NKAIN3: variants seen among roughly 807,000 people sequenced by gnomAD.
The protein encoded by NKAIN3 is sodium/potassium transporting ATPase interacting 3, also known as sodium/potassium-transporting ATPase subunit beta-1-interacting protein 3.
A neutral mutation model predicts 30.2 loss-of-function variants in NKAIN3; 25 were observed. That is an observed-to-expected ratio of 0.83 (90% CI 0.60 to 1.16). NKAIN3 has a LOEUF of 1.16. Ranked by LOEUF, NKAIN3 falls within the 50% of genes most tolerant of loss-of-function variation. The pLI, the probability that NKAIN3 is intolerant of heterozygous loss-of-function variation, is 0.00. For missense variants in NKAIN3, 225 were observed against 254.1 expected, an observed-to-expected ratio of 0.89 and a Z score of 0.78; for synonymous variants, 91 against 89.6, an observed-to-expected ratio of 1.02 and a Z score of -0.09.
intron 4 of NKAIN3, among the ~76,000 whole-genome samples, chr8:62,890,902 G>T (rs1170218483): frequency 6.6e-6 from 1 of 152,188 alleles, no homozygotes; most frequent in African/African-American, 2.4e-5. Flanking sequence ...ATTGTTAAAT[G>T]GCTTTGTCCC....
intron 4 of NKAIN3, chr8:62,864,265 G>T: frequency 2.8e-6 from 3 of 1,062,416 alleles, no homozygotes; most frequent in African/African-American, 1.6e-5. Flanking sequence ...GAGGCAGACG[G>T]CAAAGGACAA....
intron 3 of NKAIN3, among the ~76,000 whole-genome samples, chr8:62,717,371 T>C (rs1337702922): frequency 6.6e-6 from 1 of 152,260 alleles, no homozygotes. Flanking sequence ...TATGTCTGCC[T>C]ATGCTTTATG....
In NKAIN3 at chr8:62,661,630, C is replaced by T. The variant is rs73685424; in HGVS notation, c.273+71836C>T. Among the ~76,000 whole-genome samples the T allele has an allele frequency of 6.8e-3, 1,036 of 152,170 alleles. 6 individuals carry two copies. The highest frequency in any genetic ancestry group is 0.023 in the African/African-American group (971 of 41,520). ...CTCCCTCTCTCTTCCTCCTTCCCCA[C>T]TTGGTTGCTGGCTATAAGGAAAGCT... On this transcript the variant is annotated intron_variant, in intron 3 of 6. Transcript: ENST00000623646.
At chr8:62,719,787 T>C (rs1403542164) in intron 3 of NKAIN3, among the ~76,000 whole-genome samples, 11 of 143,940 alleles carry the variant, frequency 7.6e-5, no homozygotes, top group Admixed American at 6.5e-4. Context: ...GACGGAGTCT[T>C]GCTCTGACAT....
intron 4 of NKAIN3, among the ~76,000 whole-genome samples, chr8:62,908,583 GT>G (rs1250978458): frequency 6.6e-6 from 1 of 152,108 alleles, no homozygotes; most frequent in African/African-American, 2.4e-5. Flanking sequence ...TTCCCATGCT[GT>G]TCTCATGATA....
chr8:62,690,063 C>T (rs1379564219), intron 3 of NKAIN3, among the ~76,000 whole-genome samples: 1 of 152,120 alleles, frequency 6.6e-6, no homozygotes, highest in Admixed American at 6.5e-5. Flanking sequence ...TCTTTAAGTT[C>T]GGCTCCGTTC....
intron 1 of NKAIN3, among the ~76,000 whole-genome samples, chr8:62,460,736 G>A (rs941486272): frequency 1.3e-5 from 2 of 152,054 alleles, no homozygotes; most frequent in African/African-American, 4.8e-5. Flanking sequence ...TTTTTTACTC[G>A]ATAGACCTCA....
At chr8:62,252,805 C>G (rs1812150379) in intron 1 of NKAIN3, among the ~76,000 whole-genome samples, 1 of 152,102 alleles carries the variant, frequency 6.6e-6, no homozygotes, top group African/African-American at 2.4e-5. Context: ...ATATACTTAT[C>G]ATTAGATATG....
intron 6 of NKAIN3, among the ~76,000 whole-genome samples, chr8:62,963,027 G>T (rs1823614354): frequency 6.6e-6 from 1 of 152,022 alleles, no homozygotes; most frequent in South Asian, 2.1e-4. Context: ...TAGTAGCTGG[G>T]ATTACAGGTG....
At chr8:62,954,642 A>T (rs577904046) in intron 6 of NKAIN3, among the ~76,000 whole-genome samples, 4 of 152,338 alleles carry the variant, frequency 2.6e-5, no homozygotes, top group East Asian at 3.9e-4. Flanking sequence ...AAACATGGAA[A>T]TAGATAGGGT....
chr8:62,603,487 T>G (rs1272428820), intron 3 of NKAIN3, among the ~76,000 whole-genome samples: 1 of 152,096 alleles, frequency 6.6e-6, no homozygotes, highest in African/African-American at 2.4e-5. Flanking sequence ...GAGGCAAAAC[T>G]TAAGTCATTT....
chr8:62,930,649 T>A (rs1319582143), intron 5 of NKAIN3, among the ~76,000 whole-genome samples: 1 of 152,212 alleles, frequency 6.6e-6, no homozygotes, highest in Non-Finnish European at 1.5e-5. Context: ...ATGGTTTATT[T>A]AATGTCCCAT....
chr8:62,945,961 A>G (rs1823111700), intron 5 of NKAIN3, among the ~76,000 whole-genome samples: 1 of 152,208 alleles, frequency 6.6e-6, no homozygotes, highest in Non-Finnish European at 1.5e-5. Flanking sequence ...GAGCAGAAAG[A>G]AGTAAAAAAT....
chr8:62,663,958 A>G (rs1813022579), intron 3 of NKAIN3, among the ~76,000 whole-genome samples: 1 of 152,124 alleles, frequency 6.6e-6, no homozygotes, highest in South Asian at 2.1e-4. Flanking sequence ...GGATGAAAAA[A>G]AATTGATCTT....
intron 4 of NKAIN3, among the ~76,000 whole-genome samples, chr8:62,876,857 C>G (rs539795746): frequency 1.3e-3 from 201 of 151,718 alleles, no homozygotes; most frequent in African/African-American, 4.7e-3. Context: ...TCAATAGGTG[C>G]AGCAAACCAT....
chr8:62,856,428 G>A lies in NKAIN3; in HGVS notation c.472-62025G>A, dbSNP rs949543369. 2.4e-5 allele frequency: 19 copies of A among 791,304 alleles called. No homozygotes were observed. In the African/African-American group the frequency reaches 2.9e-4, roughly 12 times the overall value. 49.0% of individuals were successfully genotyped at this position (791,304 alleles called of 1,614,324 possible). On this transcript the variant is annotated intron_variant, in intron 4 of 6. Transcript: ENST00000623646. The stretch of plus-strand genomic sequence containing the variant: ...CCCTGAGGTCCTCATCCTCTGCTAT[G>A]CTGGTGATATCTCTATAGAATAAGG...
intron 1 of NKAIN3, among the ~76,000 whole-genome samples, chr8:62,434,901 G>T (rs368808222): frequency 2.0e-5 from 3 of 152,090 alleles, no homozygotes; most frequent in Non-Finnish European, 4.4e-5. Context: ...TCTCCCCCTT[G>T]AGTTTTTGCA....
chr8:62,307,942 C>T (rs534148983), intron 1 of NKAIN3, among the ~76,000 whole-genome samples: 9 of 150,170 alleles, frequency 6.0e-5, no homozygotes, highest in Non-Finnish European at 1.3e-4. Flanking sequence ...TGGACTCAGG[C>T]AAATAGAGCT....
At chr8:62,541,505 T>C (rs1002731301) in intron 1 of NKAIN3, among the ~76,000 whole-genome samples, 3 of 152,168 alleles carry the variant, frequency 2.0e-5, no homozygotes, top group African/African-American at 4.8e-5. Context: ...TTCATTTTTC[T>C]GGATGCTTGT....
Sources: gnomAD v4.1 joint callset for allele counts (sites outside exome capture counted in the v4.1 genomes callset) on GRCh38, gnomAD v4.1.1 for gene constraint, MANE v1.5 for transcripts, NCBI Gene and HGNC (gene_info 2026-07-23, HGNC 2026-07-21) for gene names.